DENND2A: variants seen among roughly 807,000 people sequenced by gnomAD.
DENND2A encodes the protein DENN domain containing 2A.
DENND2A carries 53 observed loss-of-function variants against 105.3 expected under a neutral mutation model. The observed-to-expected ratio is 0.50, with a 90% confidence interval of 0.40 to 0.63. The LOEUF (loss-of-function observed/expected upper bound fraction) is 0.63. Among genes scored for constraint, DENND2A ranks in the 30% least tolerant of loss-of-function variants. The pLI is 0.00. For missense variants in DENND2A, 1,138 were observed against 1,279.6 expected (o/e 0.89, Z 1.69); for synonymous variants, 522 against 508.4 (o/e 1.03, Z -0.36).
At chr7:140,568,666 G>A (rs908136412) in intron 8 of DENND2A, 97 bp downstream of exon 8, 81 of 1,312,472 alleles carry the variant, frequency 6.2e-5, no homozygotes, top group Non-Finnish European at 8.1e-5. Flanking sequence ...AGCAAGCTCC[G>A]GCAGGACGCT....
rs138877548 is a variant in DENND2A at position 140,579,644 on chromosome 7, C to T, written c.1246-5636G>A. Among the ~76,000 whole-genome samples, 52 of 152,040 alleles carry T rather than the reference C, an allele frequency of 3.4e-4. No individual in the cohort carries two copies. In the South Asian group the frequency reaches 9.2e-3, roughly 27 times the overall value. On this transcript the variant is annotated intron_variant, in intron 5 of 19. Transcript: ENST00000496613. ...CTGACCTCAGTTGATTCGCCTGCCT[C>T]GACCTCCCAAGATCACAAATCTTTT...
intron 1 of DENND2A, among the ~76,000 whole-genome samples, chr7:140,634,664 A>G (rs974468471): frequency 2.6e-5 from 4 of 152,090 alleles, no homozygotes; most frequent in Non-Finnish European, 5.9e-5. Flanking sequence ...TGAGGTCAGG[A>G]GTTCCAAACC....
chr7:140,635,219 C>T (rs1038233238), intron 1 of DENND2A, among the ~76,000 whole-genome samples: 7 of 152,192 alleles, frequency 4.6e-5, no homozygotes, highest in Admixed American at 1.3e-4. Flanking sequence ...GCCATCATTA[C>T]ACCACTGCAC....
chr7:140,574,159 G>T, intron 5 of DENND2A, 151 bp from the exon 6 acceptor site: 2 of 752,710 alleles, frequency 2.7e-6, no homozygotes, highest in Non-Finnish European at 4.4e-6. Context: ...GCCAGTAAGT[G>T]TTCAATGAAT....
Position 140,557,799 on chromosome 7 carries a change from A to G in DENND2A, c.1959+344T>C, listed in dbSNP as rs371634687. ...GTGATCCGCCCGTCTCGGCCTCCCA[A>G]AGTGCTGGGATTACAGGCGTGAGCC... On this transcript the variant is annotated intron_variant, in intron 11 of 19. Transcript: ENST00000496613. Among the ~76,000 whole-genome samples, 7 of 150,562 alleles carry G rather than the reference A, an allele frequency of 4.6e-5. No individual in the cohort carries two copies. In the East Asian group the frequency reaches 6.0e-4, roughly 13 times the overall value.
At chr7:140,535,083 T>A (rs1365790447) in intron 14 of DENND2A, among the ~76,000 whole-genome samples, 2 of 152,190 alleles carry the variant, frequency 1.3e-5, no homozygotes, top group Non-Finnish European at 2.9e-5. Context: ...TTGGTGTTCC[T>A]ATGCTCAGCT....
chr7:140,525,619 G>A (rs1432065938), intron 16 of DENND2A, 132 bp downstream of exon 16: 6 of 761,614 alleles, frequency 7.9e-6, no homozygotes, highest in East Asian at 3.2e-5. Flanking sequence ...GCCCAGCCCC[G>A]TCCTGGGGTC....
At chr7:140,583,320 C>T (rs909717761) in intron 5 of DENND2A, among the ~76,000 whole-genome samples, 3 of 149,466 alleles carry the variant, frequency 2.0e-5, no homozygotes, top group Non-Finnish European at 4.4e-5. Flanking sequence ...AACAAACAAA[C>T]AAACAAGCAA....
In DENND2A at chr7:140,601,772, C is replaced by A; in HGVS notation, c.626G>T (p.Ser209Ile). The change falls in exon 3 of 20, where the codon AGT (serine) becomes ATT (isoleucine). Residue 209 changes from serine to isoleucine, a missense_variant. Ser to Ile is a moderately radical substitution (Grantham distance 142, BLOSUM62 -2). Transcript: ENST00000496613. ...STLPENLGGG[S>I]GSEVSQRVHP... ...GACCCTCTGGCTGACTTCTGAGCCA[C>A]TCCCGCCTCCCAGGTTCTCAGGAAG... 6.2e-7 allele frequency: 1 copy of A among 1,614,056 alleles called. No homozygotes were observed. The highest frequency in any genetic ancestry group is 1.1e-5 in the South Asian group (1 of 91,070).
At chr7:140,639,186 T>C (rs1585810789) in intron 1 of DENND2A, among the ~76,000 whole-genome samples, 1 of 151,934 alleles carries the variant, frequency 6.6e-6, no homozygotes, top group African/African-American at 2.4e-5. Context: ...ACCCCGTCTC[T>C]ACTAAAAATA....
intron 12 of DENND2A, among the ~76,000 whole-genome samples, chr7:140,547,684 T>C (rs1796962871): frequency 6.6e-6 from 1 of 152,166 alleles, no homozygotes; most frequent in Admixed American, 6.6e-5. Context: ...AATTTGTACA[T>C]GATTGTCTGT....
At chr7:140,629,948 C>T (rs1275551301) in intron 1 of DENND2A, among the ~76,000 whole-genome samples, 1 of 151,310 alleles carries the variant, frequency 6.6e-6, no homozygotes. Context: ...ACCTCCACCT[C>T]CTGGGTTCAA....
intron 1 of DENND2A, among the ~76,000 whole-genome samples, chr7:140,626,089 C>T (rs138441721): frequency 2.5e-4 from 38 of 152,344 alleles, no homozygotes; most frequent in East Asian, 1.7e-3. Flanking sequence ...GTGCTGAATG[C>T]GTCAGGGTGT....
intron 12 of DENND2A, 38 bp from the exon 13 acceptor site, chr7:140,546,977 C>A (rs1563131044): frequency 1.9e-6 from 3 of 1,595,438 alleles, no homozygotes; most frequent in South Asian, 1.1e-5. Flanking sequence ...TATTCCGAAG[C>A]CAAAGCACCA....
At chr7:140,581,392 G>A (rs776499974) in intron 5 of DENND2A, among the ~76,000 whole-genome samples, 3 of 152,218 alleles carry the variant, frequency 2.0e-5, no homozygotes, top group South Asian at 2.1e-4. Flanking sequence ...TTTCTGAGGA[G>A]AGCCTATCCA....
intron 12 of DENND2A, among the ~76,000 whole-genome samples, chr7:140,551,117 ATGGT>A (rs1797117929): frequency 6.6e-6 from 1 of 151,398 alleles, no homozygotes; most frequent in African/African-American, 2.4e-5. Flanking sequence ...CCTGGCCAAC[ATGGT>A]GAAATCCCGT....
intron 14 of DENND2A, among the ~76,000 whole-genome samples, chr7:140,538,928 A>G (rs1357600608): frequency 4.0e-5 from 6 of 151,720 alleles, no homozygotes. Flanking sequence ...GGTTCAAGTG[A>G]TTCTCCTGCC....
intron 1 of DENND2A, among the ~76,000 whole-genome samples, chr7:140,615,698 C>T (rs2908239): frequency 3.2e-4 from 48 of 150,418 alleles, no homozygotes; most frequent in African/African-American, 1.7e-4. Flanking sequence ...CCACCCTGTC[C>T]GGCTATTTTT....
At position 140,527,640 on chromosome 7, in the gene DENND2A, G is replaced by T; in HGVS notation, c.2328-145C>A. ...TCCGGTGGAGCACATGATGGTCTCA[G>T]CACAGGCCACACCAGGCACTTAGAG... On this transcript the variant is annotated intron_variant, in intron 14 of 19. Coordinates refer to ENST00000496613, the MANE Select transcript of DENND2A (RefSeq NM_015689.5). The surrounding 1 kb of genome is among the most constrained non-coding windows in gnomAD (Gnocchi z 4.9). The T allele has an allele frequency of 1.2e-6, 1 of 861,210 alleles. No individual in the cohort carries two copies. Among genetic ancestry groups the T allele is most frequent in the Non-Finnish European group, 1.7e-6 (1 of 576,308 alleles). The allele number at this position is 861,210 out of a possible 1,614,324, so 53.3% of individuals were successfully genotyped here. A position where few individuals can be genotyped will look rare whatever the true frequency, so the allele number is the denominator to read the frequency against.
Sources: allele counts gnomAD v4.1 joint callset (sites outside exome capture counted in the v4.1 genomes callset), GRCh38; gene constraint gnomAD v4.1.1; non-coding constraint Gnocchi (gnomAD v3.1); transcripts MANE v1.5; gene names NCBI Gene and HGNC (gene_info 2026-07-23, HGNC 2026-07-21).